Variants in STRN observed in about 807,000 individuals in gnomAD.
The protein encoded by STRN is protein phosphatase 2 regulatory subunit B'''alpha.
STRN carries 53 observed loss-of-function variants against 96.3 expected under a neutral mutation model. That is an observed-to-expected ratio of 0.55 (90% CI 0.44 to 0.69). The LOEUF (loss-of-function observed/expected upper bound fraction) is 0.69. Among genes scored for constraint, STRN ranks in the 30% least tolerant of loss-of-function variants. The pLI is 0.00. For synonymous variants in STRN, 428 were observed against 355.9 expected, an observed-to-expected ratio of 1.20 and a Z score of -2.28; for missense variants, 987 against 963.9, an observed-to-expected ratio of 1.02 and a Z score of -0.32.
Position 36,916,125 on chromosome 2 carries a change from C to T in STRN, c.365G>A (p.Gly122Glu), listed in dbSNP as rs1472329448. Residue 122 changes from glycine (G) to glutamate (E), a missense_variant, in exon 3 of 18, where the codon GGG becomes GAG. By Grantham distance (98) the Gly-to-Glu change is moderately conservative (BLOSUM62 -2). Transcript: ENST00000263918. ...CATATCTCCCTGATTCAATTCTGTC[C>T]CGTATTTCAACTTGTGGTATTTGGC... Reference protein sequence around the residue: ...ERAKYHKLKYGTELNQGDMKP... With the variant: ...ERAKYHKLKYETELNQGDMKP... The T allele has an allele frequency of 1.9e-6, 3 of 1,613,520 alleles. No individual in the cohort carries two copies.
chr2:36,903,858 T>C (rs1188602119), intron 4 of STRN, among the ~76,000 whole-genome samples: 1 of 152,238 alleles, frequency 6.6e-6, no homozygotes, highest in Non-Finnish European at 1.5e-5. Context: ...TGAAAACGGC[T>C]TTAAAGATGT....
rs373469916 is a variant in STRN, at chr2:36,887,346, T to G, written c.932-520A>C. Among the ~76,000 whole-genome samples the G allele has an allele frequency of 1.5e-4, 22 of 151,698 alleles. 1 individual carries two copies. The South Asian group carries it at 4.4e-3, about 30-fold the overall frequency. On this transcript the variant is annotated intron_variant, in intron 7 of 17. Transcript: ENST00000263918. The stretch of plus-strand genomic sequence containing the variant: ...TTAGCCGGGCATGGTACCTCATGCC[T>G]GTAATCCCAGTTACTTGGGAGGCTG...
chr2:36,904,809 C>A (rs1434997477), intron 4 of STRN, among the ~76,000 whole-genome samples: 1 of 152,070 alleles, frequency 6.6e-6, no homozygotes, highest in Non-Finnish European at 1.5e-5. Flanking sequence ...GCCTGAGCGA[C>A]AGAGTGAGAC....
At chr2:36,930,559 A>G (rs1199384646) in intron 1 of STRN, among the ~76,000 whole-genome samples, 2 of 152,118 alleles carry the variant, frequency 1.3e-5, no homozygotes, top group Non-Finnish European at 2.9e-5. Flanking sequence ...GTAGGTCTGG[A>G]GTGGGGCCCA....
chr2:36,904,260 T>C (rs937235567), intron 4 of STRN, among the ~76,000 whole-genome samples: 1 of 152,192 alleles, frequency 6.6e-6, no homozygotes, highest in Non-Finnish European at 1.5e-5. Context: ...AAAATACATA[T>C]GCAAAGACAT....
chr2:36,868,536 T>C (rs573717358), intron 11 of STRN, among the ~76,000 whole-genome samples: 1 of 152,342 alleles, frequency 6.6e-6, no homozygotes, highest in African/African-American at 2.4e-5. Flanking sequence ...CTTACTGTTT[T>C]CTACACTGTA....
intron 10 of STRN, among the ~76,000 whole-genome samples, chr2:36,872,977 A>C (rs1420847290): frequency 6.6e-6 from 1 of 152,256 alleles, no homozygotes; most frequent in East Asian, 1.9e-4. Context: ...CTGATTCCAG[A>C]GGGGATGGCT....
At chr2:36,909,834 G>A (rs1252130269) in intron 3 of STRN, among the ~76,000 whole-genome samples, 3 of 152,178 alleles carry the variant, frequency 2.0e-5, no homozygotes, top group East Asian at 1.9e-4. Context: ...AAAAATAAGG[G>A]CAACAGGAGA....
At chr2:36,870,192 C>A (rs181236796) in intron 10 of STRN, among the ~76,000 whole-genome samples, 2 of 151,196 alleles carry the variant, frequency 1.3e-5, no homozygotes, top group Admixed American at 1.3e-4. Context: ...AGTTTATAAA[C>A]TGGAAACATA....
intron 1 of STRN, among the ~76,000 whole-genome samples, chr2:36,961,980 T>A (rs3845779): frequency 1.9e-4 from 29 of 152,146 alleles, no homozygotes; most frequent in Admixed American, 5.9e-4. Flanking sequence ...TTAGCTCGAA[T>A]GGCATCTTAT....
At chr2:36,958,768 G>A (rs1163359614) in intron 1 of STRN, among the ~76,000 whole-genome samples, 1 of 152,180 alleles carries the variant, frequency 6.6e-6, no homozygotes, top group Non-Finnish European at 1.5e-5. Context: ...GAAATCTGCA[G>A]AACTAATGAG....
chr2:36,926,360 A>T (rs1219061878), intron 1 of STRN, among the ~76,000 whole-genome samples: 1 of 152,230 alleles, frequency 6.6e-6, no homozygotes. Flanking sequence ...AACTAGCTAT[A>T]AATTTCACTA....
intron 13 of STRN, among the ~76,000 whole-genome samples, chr2:36,858,421 C>G (rs780707251): frequency 2.4e-4 from 36 of 152,296 alleles, no homozygotes; most frequent in African/African-American, 7.0e-4. Context: ...TCTCTGAAGT[C>G]CCTTAGCACT....
chr2:36,857,074 G>T (rs865777443), intron 14 of STRN, among the ~76,000 whole-genome samples: 6 of 150,842 alleles, frequency 4.0e-5, no homozygotes, highest in Middle Eastern at 3.4e-3. Flanking sequence ...GTACGAGAAT[G>T]GGCAAATATA....
intron 1 of STRN, among the ~76,000 whole-genome samples, chr2:36,963,852 G>T (rs1665088302): frequency 6.9e-6 from 1 of 145,090 alleles, no homozygotes; most frequent in Non-Finnish European, 1.6e-5. Context: ...AGCTACTTGG[G>T]AGGCTGAGGC....
At chr2:36,952,691 G>A (rs1320087028) in intron 1 of STRN, among the ~76,000 whole-genome samples, 1 of 152,212 alleles carries the variant, frequency 6.6e-6, no homozygotes. Context: ...TATTATTAAT[G>A]TTGGCAGATA....
At chr2:36,909,917 A>T (rs959910744) in intron 3 of STRN, among the ~76,000 whole-genome samples, 1 of 152,200 alleles carries the variant, frequency 6.6e-6, no homozygotes, top group Non-Finnish European at 1.5e-5. Context: ...TCACGCCTGT[A>T]ATCCCAGCAC....
intron 1 of STRN, among the ~76,000 whole-genome samples, chr2:36,954,441 G>A (rs1225041682): frequency 6.6e-6 from 1 of 150,936 alleles, no homozygotes; most frequent in Non-Finnish European, 1.5e-5. Flanking sequence ...GAACCCAGTA[G>A]GCAGAGGTTG....
At chr2:36,911,545 G>T (rs907137141) in intron 3 of STRN, among the ~76,000 whole-genome samples, 6 of 152,072 alleles carry the variant, frequency 3.9e-5, no homozygotes, top group African/African-American at 1.4e-4. Flanking sequence ...TTGAGTAGCT[G>T]CAACAAACAG....
Sources: allele counts gnomAD v4.1 joint callset (sites outside exome capture counted in the v4.1 genomes callset), GRCh38; gene constraint gnomAD v4.1.1; transcripts MANE v1.5; gene names NCBI Gene and HGNC (gene_info 2026-07-23, HGNC 2026-07-21).